Variants in PBX3 observed in about 807,000 individuals in gnomAD.
PBX3 encodes PBX homeobox 3, also known as pre-B-cell leukemia transcription factor 3.
Under a neutral mutation model 48.5 loss-of-function variants are expected in PBX3, and 14 were observed. The observed-to-expected ratio is 0.29, with a 90% CI of 0.19 to 0.45. The LOEUF (loss-of-function observed/expected upper bound fraction) is 0.45, where lower values mean the gene tolerates loss of function less well. PBX3 is among the 20% of genes least tolerant of loss of function. PBX3 has a pLI of 1.00. For synonymous variants in PBX3, 210 were observed against 200.3 expected (o/e 1.05, Z -0.41); for missense variants, 386 against 546.7 (o/e 0.71, Z 2.93).
chr9:125,840,921 G>C (rs1411283048), intron 2 of PBX3, among the ~76,000 whole-genome samples: 1 of 152,072 alleles, frequency 6.6e-6, no homozygotes, highest in African/African-American at 2.4e-5. Context: ...AAGTCGTTCA[G>C]TTTGTTACTT....
At chr9:125,927,898 G>A (rs1380863021) in intron 3 of PBX3, among the ~76,000 whole-genome samples, 1 of 151,940 alleles carries the variant, frequency 6.6e-6, no homozygotes, top group Non-Finnish European at 1.5e-5. Context: ...AATTAGCTGG[G>A]GGCCAGGCGC....
At position 125,902,911 on chromosome 9, in the gene PBX3, A is replaced by G. The variant is rs117971124; in HGVS notation, c.275-12775A>G. Among the ~76,000 whole-genome samples the G allele has an allele frequency of 2.6e-5, 4 of 151,912 alleles. No individual in the cohort carries two copies. The East Asian group carries it at 5.8e-4, about 22-fold the overall frequency. On this transcript the variant is annotated intron_variant, in intron 2 of 8. Coordinates refer to ENST00000373489, the MANE Select transcript of PBX3 (RefSeq NM_006195.6). ...AATAACACTTGTAAACATAAATTAT[A>G]AATTAAATTATGCTTTTTATTATTC... is the stretch of plus-strand genomic sequence containing the variant.
rs1222835436 is a variant in PBX3 at position 125,793,123 on chromosome 9, T to C, written c.274+44500T>C. Among the ~76,000 whole-genome samples the C allele has an allele frequency of 2.6e-5, 4 of 151,268 alleles. No homozygotes were observed. The South Asian group carries it at 6.3e-4, about 24-fold the overall frequency. ...ATCCCAGCACTTTGGGAGGCCGAGGTGGGCGGATCATGAGGTCAGGAGATC... is the reference window on the plus strand; with the variant it reads ...ATCCCAGCACTTTGGGAGGCCGAGGCGGGCGGATCATGAGGTCAGGAGATC... On this transcript the variant is annotated intron_variant, in intron 2 of 8. Transcript: ENST00000373489.
rs541258664 is a variant in PBX3 at position 125,782,207 on chromosome 9, G to A, written c.274+33584G>A. ...AATCATGGTGGAAGGTGAAGGGGAC[G>A]TCTCACATGGCAGCAAATAAGAGCT... is the stretch of plus-strand genomic sequence containing the variant. On this transcript the variant is annotated intron_variant, in intron 2 of 8. Coordinates refer to ENST00000373489, the MANE Select transcript of PBX3 (RefSeq NM_006195.6). 7.9e-5 allele frequency among the ~76,000 whole-genome samples: 12 copies of A among 152,212 alleles called. 1 individual carries two copies. In the South Asian group the frequency reaches 1.9e-3, roughly 24 times the overall value.
At chr9:125,894,463 T>C (rs1256742374) in intron 2 of PBX3, among the ~76,000 whole-genome samples, 2 of 152,276 alleles carry the variant, frequency 1.3e-5, no homozygotes, top group East Asian at 1.9e-4. Flanking sequence ...TATTAAGATA[T>C]GCATTTGTTA....
intron 5 of PBX3, among the ~76,000 whole-genome samples, chr9:125,945,010 G>A (rs1842036242): frequency 6.6e-6 from 1 of 152,046 alleles, no homozygotes; most frequent in Non-Finnish European, 1.5e-5. Flanking sequence ...ATTGCTTGAG[G>A]TCAGGAGTTC....
chr9:125,919,292 C>T (rs1030470619), intron 3 of PBX3, among the ~76,000 whole-genome samples: 2 of 150,738 alleles, frequency 1.3e-5, no homozygotes, highest in Non-Finnish European at 2.9e-5. Flanking sequence ...CGGCTCACTG[C>T]GACCTCCGCT....
At chr9:125,885,738 C>T (rs1337061044) in intron 2 of PBX3, among the ~76,000 whole-genome samples, 1 of 152,006 alleles carries the variant, frequency 6.6e-6, no homozygotes, top group Non-Finnish European at 1.5e-5. Context: ...ATATGAAAAC[C>T]TGCCTTTAGA....
At chr9:125,927,449 C>G (rs2132504903) in intron 3 of PBX3, among the ~76,000 whole-genome samples, 1 of 152,314 alleles carries the variant, frequency 6.6e-6, no homozygotes, top group South Asian at 2.1e-4. Context: ...GGTTAGTCCT[C>G]TAATGAGCAG....
chr9:125,889,582 A>AT (rs1840585557), intron 2 of PBX3, among the ~76,000 whole-genome samples: 1 of 151,968 alleles, frequency 6.6e-6, no homozygotes, highest in South Asian at 2.1e-4. Flanking sequence ...TGACAGGCTG[A>AT]TTTTCCACCC....
At chr9:125,816,010 C>G (rs138784425) in intron 2 of PBX3, among the ~76,000 whole-genome samples, 416 of 152,112 alleles carry the variant, frequency 2.7e-3, no homozygotes, top group Middle Eastern at 6.8e-3. Flanking sequence ...CTCTCTCTCT[C>G]TTTTTGTTTT....
chr9:125,846,982 AT>A (rs1839441837), intron 2 of PBX3, among the ~76,000 whole-genome samples: 1 of 151,400 alleles, frequency 6.6e-6, no homozygotes, highest in Non-Finnish European at 1.5e-5. Flanking sequence ...TATTTTGCTG[AT>A]TGCATCCCCA....
intron 2 of PBX3, among the ~76,000 whole-genome samples, chr9:125,861,154 G>A (rs564766564): frequency 6.6e-6 from 1 of 152,024 alleles, no homozygotes; most frequent in South Asian, 2.1e-4. Context: ...AATTAATCCA[G>A]TGTAATGGCA....
In PBX3 at chr9:125,782,435, A is replaced by G. The variant is rs535956800; in HGVS notation, c.274+33812A>G. Among the ~76,000 whole-genome samples the G allele has an allele frequency of 2.6e-5, 4 of 152,346 alleles. No homozygotes were observed. The South Asian group carries it at 8.3e-4, about 32-fold the overall frequency. On this transcript the variant is annotated intron_variant, in intron 2 of 8. Coordinates refer to ENST00000373489, the MANE Select transcript of PBX3 (RefSeq NM_006195.6). ...ATCTGGTTTTGCCCACCTAGTTTCA[A>G]TAGCACATAAAAACTCTACTCCTTT...
rs1439896861 is a variant in PBX3, at chr9:125,831,661, A to AT, written c.274+83046dup. Among the ~76,000 whole-genome samples, 19 of 151,834 alleles carry AT rather than the reference A, an allele frequency of 1.3e-4. No homozygotes were observed. In the South Asian group the frequency reaches 3.3e-3, roughly 27 times the overall value. ...ATCCTCCAGTGGTGTATAACTTTTG[A>AT]TTTTTTTTAGTAGTTATTATGAAGT... is the stretch of plus-strand genomic sequence containing the variant. On this transcript the variant is annotated intron_variant, in intron 2 of 8. Transcript: ENST00000373489.
intron 2 of PBX3, among the ~76,000 whole-genome samples, chr9:125,807,013 G>A (rs780971263): frequency 6.6e-6 from 1 of 152,112 alleles, no homozygotes; most frequent in African/African-American, 2.4e-5. Flanking sequence ...TAATCAGTGG[G>A]GTAAACACAT....
At chr9:125,786,115 G>A (rs1260832464) in intron 2 of PBX3, among the ~76,000 whole-genome samples, 1 of 152,136 alleles carries the variant, frequency 6.6e-6, no homozygotes, top group Admixed American at 6.5e-5. Context: ...CTCCCAAAAG[G>A]GGGAAATTAG....
At position 125,965,874 on chromosome 9, in the gene PBX3, C is replaced by T; in HGVS notation, c.1256C>T (p.Thr419Ile). 2 of 1,614,146 alleles carry T rather than the reference C, an allele frequency of 1.2e-6. No homozygotes were observed. The highest frequency in any genetic ancestry group is 1.7e-6 in the Non-Finnish European group (2 of 1,179,974). ...GACGCAACAACTCCATCTTCTGTGA[C>T]TTCTCCTACAGAAGGCCCAGGAAGT... ...WQDATTPSSV[T>I]SPTEGPGSVH... Residue 419 changes from threonine (T) to isoleucine (I), a missense_variant, in exon 9 of 9, where the codon ACT becomes ATT. By Grantham distance (89) the Thr-to-Ile change is moderately conservative. This residue lies in a region of PBX3 where 127 missense variants were observed against 143.3 expected (regional missense o/e 0.89). Coordinates refer to ENST00000373489, the MANE Select transcript of PBX3 (RefSeq NM_006195.6).
At chr9:125,805,328 G>A (rs182015535) in intron 2 of PBX3, among the ~76,000 whole-genome samples, 17 of 152,274 alleles carry the variant, frequency 1.1e-4, no homozygotes, top group African/African-American at 3.6e-4. Context: ...ATGAGGTTGG[G>A]CAGATGAATA....
Sources: gnomAD v4.1 joint callset for allele counts (sites outside exome capture counted in the v4.1 genomes callset) on GRCh38, gnomAD v4.1.1 for gene constraint, gnomAD v4.1.1 regional missense constraint, MANE v1.5 for transcripts, NCBI Gene and HGNC (gene_info 2026-07-23, HGNC 2026-07-21) for gene names.